Variants in SAP30BP observed in about 807,000 individuals in gnomAD.
SAP30BP encodes the protein SAP30 binding protein, also known as SAP30-binding protein.
Under a neutral mutation model 46.3 loss-of-function variants are expected in SAP30BP, and 31 were observed. The observed-to-expected ratio is 0.67, with a 90% CI of 0.50 to 0.90. The LOEUF is 0.90. Among genes scored for constraint, SAP30BP ranks in the 40% least tolerant of loss-of-function variants. The pLI is 0.00. For missense variants in SAP30BP, 312 were observed against 391.0 expected, an observed-to-expected ratio of 0.80 and a Z score of 1.70; for synonymous variants, 169 against 144.2, an observed-to-expected ratio of 1.17 and a Z score of -1.23.
In SAP30BP at chr17:75,703,316, A is replaced by G; in HGVS notation, c.494A>G (p.Tyr165Cys). Residue 165 changes from tyrosine (Y) to cysteine (C), a missense_variant, in exon 7 of 11, where the codon TAC becomes TGC. Physicochemically the swap from Tyr to Cys is radical, Grantham distance 194. Transcript: ENST00000584667. ...CGCCGGCACTGTTCTTTCAGCATCT[A>G]CGAGAAGCTGATCCAGTTCTGTGCC... The part of the protein sequence containing the change: ...RKKEFRNPSI[Y>C]EKLIQFCAID... The G allele has an allele frequency of 6.2e-7, 1 of 1,614,092 alleles. No individual in the cohort carries two copies. Among genetic ancestry groups the G allele is most frequent in the Non-Finnish European group, 8.5e-7 (1 of 1,179,986 alleles).
Position 75,706,621 on chromosome 17 carries a change from C to A in SAP30BP, c.*100C>A. On this transcript the variant is annotated 3_prime_UTR_variant, in exon 11 of 11. Transcript: ENST00000584667. The surrounding 1 kb of genome is among the most constrained non-coding windows in gnomAD (Gnocchi z 4.6). ...TATATTTCAGGACTGGGACCTACTCCCCAGATGCCACCTGAGAGGAGCTTC... is the reference window on the plus strand; with the variant it reads ...TATATTTCAGGACTGGGACCTACTCACCAGATGCCACCTGAGAGGAGCTTC... 9.1e-7 allele frequency: 1 copy of A among 1,104,102 alleles called. No individual in the cohort carries two copies. Among genetic ancestry groups the A allele is most frequent in the East Asian group, 2.4e-5 (1 of 41,772 alleles). The allele number at this position is 1,104,102 out of a possible 1,614,324, so 68.4% of individuals were successfully genotyped here.
chr17:75,686,710 T>C (rs1419001563), intron 3 of SAP30BP, among the ~76,000 whole-genome samples: 5 of 152,104 alleles, frequency 3.3e-5, no homozygotes, highest in Non-Finnish European at 7.3e-5. Flanking sequence ...AGTGGCTCAG[T>C]CCTGGCCGAC....
In SAP30BP at chr17:75,671,859, CA is replaced by C. The variant is rs758483140; in HGVS notation, c.263del (p.Lys88ArgfsTer56). The C allele has an allele frequency of 4.3e-6, 7 of 1,613,106 alleles. No homozygotes were observed. The highest frequency in any genetic ancestry group is 5.9e-6 in the Non-Finnish European group (7 of 1,179,150). The part of the protein sequence containing the change: ...SETEKPEADD[P>X]KDNTEAEKRD... ...ACTGAAAAACCTGAGGCTGATGACCCAAAGGTATTTGGTGTTGGCTGTGGTG... is the reference window on the plus strand; with the variant it reads ...ACTGAAAAACCTGAGGCTGATGACCCAAGGTATTTGGTGTTGGCTGTGGTG... On this transcript the variant is annotated frameshift_variant, in exon 3 of 11. Transcript: ENST00000584667. LOFTEE classifies it high-confidence loss of function.
intron 3 of SAP30BP, among the ~76,000 whole-genome samples, chr17:75,677,905 A>G (rs2060017366): frequency 6.6e-6 from 1 of 152,152 alleles, no homozygotes; most frequent in Admixed American, 6.6e-5. Context: ...TTGACTTTGC[A>G]GACCCCTTAG....
chr17:75,681,207 A>T (rs1252981271), intron 3 of SAP30BP, among the ~76,000 whole-genome samples: 1 of 152,166 alleles, frequency 6.6e-6, no homozygotes, highest in Non-Finnish European at 1.5e-5. Flanking sequence ...CAGTTTTGTT[A>T]AATATCCTGT....
intron 7 of SAP30BP, 68 bp from the exon 8 acceptor site, chr17:75,703,740 A>G: frequency 7.2e-7 from 1 of 1,383,680 alleles, no homozygotes; most frequent in Admixed American, 1.7e-5. Context: ...CTCTATGGGA[A>G]GACTTGGGCC....
intron 3 of SAP30BP, among the ~76,000 whole-genome samples, chr17:75,682,227 C>T (rs1383564330): frequency 6.6e-6 from 1 of 151,766 alleles, no homozygotes; most frequent in African/African-American, 2.4e-5. Context: ...TCTTGTTGCC[C>T]AGGCTGGAGT....
intron 4 of SAP30BP, among the ~76,000 whole-genome samples, chr17:75,696,290 T>C (rs993759065): frequency 6.6e-6 from 1 of 151,736 alleles, no homozygotes; most frequent in Admixed American, 6.6e-5. Flanking sequence ...ATCCCAGCAC[T>C]TGGGGAGGCT....
chr17:75,667,540 C>A, intron 1 of SAP30BP, 62 bp downstream of exon 1: 1 of 1,484,894 alleles, frequency 6.7e-7, no homozygotes, highest in Non-Finnish European at 9.4e-7. Context: ...GCTGTACCCT[C>A]GCTGGGCGGG....
At chr17:75,674,690 G>GT (rs1287087489) in intron 3 of SAP30BP, among the ~76,000 whole-genome samples, 834 of 39,486 alleles carry the variant, frequency 0.021, 31 homozygotes, top group Middle Eastern at 0.043. Flanking sequence ...TTTTTTGTTT[G>GT]TTTTTTGTTT....
chr17:75,705,988 T>G lies in SAP30BP; in HGVS notation c.661-20T>G. ...CACCCAGCTTTGCCTGGTCTTATTC[T>G]CTTCCCTCTCCCTCTCCAGATTGAG... On this transcript the variant is annotated intron_variant, in intron 9 of 10. Transcript: ENST00000584667. 2 of 1,611,674 alleles carry G rather than the reference T, an allele frequency of 1.2e-6. No individual in the cohort carries two copies. The highest frequency in any genetic ancestry group is 1.3e-5 in the African/African-American group (1 of 74,968).
chr17:75,705,278 T>C (rs1326936941), intron 9 of SAP30BP: 4 of 180,436 alleles, frequency 2.2e-5, no homozygotes, highest in African/African-American at 9.5e-5. Context: ...GTGGTCTGGG[T>C]TCTTCAGGGA....
intron 3 of SAP30BP, among the ~76,000 whole-genome samples, chr17:75,679,253 C>T (rs1216240535): frequency 2.0e-5 from 3 of 152,104 alleles, no homozygotes; most frequent in Non-Finnish European, 4.4e-5. Flanking sequence ...GCCTCGGCCT[C>T]CCAAAGTGCT....
intron 3 of SAP30BP, chr17:75,691,900 G>C: frequency 5.4e-6 from 1 of 183,808 alleles, no homozygotes; most frequent in Non-Finnish European, 1.2e-5. Flanking sequence ...CAAAGGGATT[G>C]TTGGTCCCCT....
rs1433208995 is a variant in SAP30BP at position 75,706,659 on chromosome 17, C to G, written c.*138C>G. Reference sequence around the variant, plus strand: ...TGAGAGGAGCTTCTGTTTGGCATTCCAGATGGAAGGACAGGCAGCACGGGA... The same window carrying G: ...TGAGAGGAGCTTCTGTTTGGCATTCGAGATGGAAGGACAGGCAGCACGGGA... On this transcript the variant is annotated 3_prime_UTR_variant, in exon 11 of 11. Coordinates refer to ENST00000584667, the MANE Select transcript of SAP30BP (RefSeq NM_013260.8). The surrounding 1 kb of genome is among the most constrained non-coding windows in gnomAD (Gnocchi z 4.6). 2 of 791,568 alleles carry G rather than the reference C, an allele frequency of 2.5e-6. No homozygotes were observed. The highest frequency in any genetic ancestry group is 4.0e-6 in the Non-Finnish European group (2 of 497,474). 49.0% of individuals were successfully genotyped at this position (791,568 alleles called of 1,614,324 possible). A position where few individuals can be genotyped will look rare whatever the true frequency, so the allele number is the denominator to read the frequency against.
chr17:75,681,890 A>C (rs893113038), intron 3 of SAP30BP, among the ~76,000 whole-genome samples: 7 of 152,102 alleles, frequency 4.6e-5, no homozygotes, highest in African/African-American at 1.7e-4. Context: ...ATGTGGTATG[A>C]GATAGGAGCC....
Position 75,707,879 on chromosome 17 carries a change from T to TA in SAP30BP, c.*1359dup, listed in dbSNP as rs1339430268. On this transcript the variant is annotated 3_prime_UTR_variant, in exon 11 of 11. Transcript: ENST00000584667. ...CAGCATGGCACCGTGGAAAGGGCAG[T>TA]AGACGTGGAGCCGGCACCTCTGGTC... The TA allele has an allele frequency of 6.6e-6, 1 of 152,198 alleles. No individual in the cohort carries two copies. Among genetic ancestry groups the TA allele is most frequent in the Non-Finnish European group, 1.5e-5 (1 of 68,038 alleles). 9.4% of individuals were successfully genotyped at this position (152,198 alleles called of 1,614,324 possible). A position where few individuals can be genotyped will look rare whatever the true frequency, so the allele number is the denominator to read the frequency against.
At chr17:75,701,067 G>A (rs986179037) in intron 5 of SAP30BP, among the ~76,000 whole-genome samples, 1 of 152,158 alleles carries the variant, frequency 6.6e-6, no homozygotes, top group Non-Finnish European at 1.5e-5. Flanking sequence ...AGTCTCGGCT[G>A]AAGTCACAGA....
intron 3 of SAP30BP, among the ~76,000 whole-genome samples, chr17:75,674,710 T>TTTTTTTTTTTTTTTTTTTTTTTG (rs2059963316): frequency 8.0e-6 from 1 of 124,912 alleles, no homozygotes; most frequent in Non-Finnish European, 1.7e-5. Context: ...TTTTTTTTTT[T>TTTTTTTTTTTTTTTTTTTTTTTG]TTTTTTTTTT....
Sources: allele counts gnomAD v4.1 joint callset (sites outside exome capture counted in the v4.1 genomes callset), GRCh38; gene constraint gnomAD v4.1.1; non-coding constraint Gnocchi (gnomAD v3.1); transcripts MANE v1.5; gene names NCBI Gene and HGNC (gene_info 2026-07-23, HGNC 2026-07-21).